Variants in APBA2 observed in about 807,000 individuals in gnomAD.
The protein encoded by APBA2 is amyloid beta precursor protein binding family A member 2, also known as amyloid-beta A4 precursor protein-binding family A member 2.
A neutral mutation model predicts 75.0 loss-of-function variants in APBA2; 30 were observed. The observed-to-expected ratio is 0.40, with a 90% confidence interval of 0.30 to 0.54. APBA2 has a LOEUF of 0.54. Among genes scored for constraint, APBA2 ranks in the 20% least tolerant of loss-of-function variants. The pLI is 0.49. For missense variants in APBA2, 801 were observed against 1,016.1 expected, an observed-to-expected ratio of 0.79 and a Z score of 2.88; for synonymous variants, 444 against 409.6, an observed-to-expected ratio of 1.08 and a Z score of -1.01.
intron 2 of APBA2, chr15:28,990,391 T>G (rs1353159504): frequency 7.7e-6 from 1 of 130,146 alleles, no homozygotes; most frequent in African/African-American, 4.0e-5. Context: ...AAACTCCGTC[T>G]TAAAAAAAAA....
At chr15:29,020,593 G>T (rs529532610) in intron 3 of APBA2, among the ~76,000 whole-genome samples, 1 of 152,158 alleles carries the variant, frequency 6.6e-6, no homozygotes, top group Non-Finnish European at 1.5e-5. Context: ...ATCACCTGAG[G>T]TCAGGAGTTT....
At chr15:28,989,309 T>G (rs1186957782) in intron 2 of APBA2, among the ~76,000 whole-genome samples, 1 of 152,208 alleles carries the variant, frequency 6.6e-6, no homozygotes, top group East Asian at 1.9e-4. Context: ...TTAGGCTTAG[T>G]CTGTGTATGC....
chr15:29,108,028 C>T (rs2044521143), intron 12 of APBA2, among the ~76,000 whole-genome samples: 1 of 152,170 alleles, frequency 6.6e-6, no homozygotes, highest in Non-Finnish European at 1.5e-5. Flanking sequence ...GCAGAGGCAC[C>T]CTGCGCATGG....
At chr15:29,075,585 T>C (rs73370234) in intron 5 of APBA2, among the ~76,000 whole-genome samples, 4,182 of 152,176 alleles carry the variant, frequency 0.027, 112 homozygotes, top group African/African-American at 0.066. Context: ...CAACAACAGG[T>C]TTTAACAAAC....
At chr15:29,013,972 A>C (rs2039531489) in intron 3 of APBA2, among the ~76,000 whole-genome samples, 1 of 152,226 alleles carries the variant, frequency 6.6e-6, no homozygotes, top group Non-Finnish European at 1.5e-5. Context: ...CTTTTGCTAA[A>C]CTTTACTGCT....
chr15:28,955,121 A>C (rs1233916308), intron 2 of APBA2, among the ~76,000 whole-genome samples: 1 of 152,102 alleles, frequency 6.6e-6, no homozygotes. Context: ...TTTGTCAGAC[A>C]GTTTGATTTT....
intron 6 of APBA2, among the ~76,000 whole-genome samples, chr15:29,086,187 C>G (rs941274194): frequency 1.3e-5 from 2 of 152,214 alleles, no homozygotes; most frequent in African/African-American, 2.4e-5. Context: ...TGGCACAGGA[C>G]TGATGTTTCT....
At chr15:28,979,636 T>A (rs1221257329) in intron 2 of APBA2, among the ~76,000 whole-genome samples, 2 of 152,212 alleles carry the variant, frequency 1.3e-5, no homozygotes, top group African/African-American at 4.8e-5. Flanking sequence ...GGCCCCTTTC[T>A]GGCCTTGCAG....
At chr15:28,976,542 G>A (rs1456133902) in intron 2 of APBA2, among the ~76,000 whole-genome samples, 1 of 152,168 alleles carries the variant, frequency 6.6e-6, no homozygotes, top group Admixed American at 6.5e-5. Flanking sequence ...CCCTTTAATT[G>A]TGAATGCATG....
intron 1 of APBA2, among the ~76,000 whole-genome samples, chr15:28,891,919 G>A (rs1282425778): frequency 6.6e-6 from 1 of 152,152 alleles, no homozygotes; most frequent in Non-Finnish European, 1.5e-5. Flanking sequence ...TTGTAGTGCA[G>A]TTACTTTATT....
chr15:29,116,401 C>G (rs899642121), intron 14 of APBA2, among the ~76,000 whole-genome samples: 1 of 151,936 alleles, frequency 6.6e-6, no homozygotes, highest in East Asian at 1.9e-4. Context: ...CCGAGGCGGG[C>G]GTATCACGAG....
intron 1 of APBA2, among the ~76,000 whole-genome samples, chr15:28,920,491 A>G (rs1393084175): frequency 6.6e-6 from 1 of 152,150 alleles, no homozygotes; most frequent in Non-Finnish European, 1.5e-5. Flanking sequence ...TCATGCCCAC[A>G]CCACGGTAGG....
intron 4 of APBA2, among the ~76,000 whole-genome samples, chr15:29,067,212 C>A (rs183767358): frequency 1.3e-5 from 2 of 152,200 alleles, no homozygotes; most frequent in Non-Finnish European, 2.9e-5. Flanking sequence ...CCACTTCCAG[C>A]ATTGGGGATT....
At chr15:28,915,154 T>C (rs2033621303) in intron 1 of APBA2, among the ~76,000 whole-genome samples, 1 of 650 alleles carries the variant, frequency 1.5e-3, no homozygotes, top group Admixed American at 0.021. Flanking sequence ...CACATACCCA[T>C]ACACACCACA....
At chr15:28,984,839 G>A (rs1296520768) in intron 2 of APBA2, among the ~76,000 whole-genome samples, 1 of 142,990 alleles carries the variant, frequency 7.0e-6, no homozygotes, top group African/African-American at 2.9e-5. Context: ...TCTGGAGGTT[G>A]GGGGAGCTGC....
chr15:28,915,237 C>T (rs1217897671), intron 1 of APBA2, among the ~76,000 whole-genome samples: 59 of 113,372 alleles, frequency 5.2e-4, no homozygotes, highest in East Asian at 8.3e-4. Flanking sequence ...ACACATACCC[C>T]ATATATACCA....
At chr15:28,986,457 G>C (rs2037933759) in intron 2 of APBA2, among the ~76,000 whole-genome samples, 1 of 152,118 alleles carries the variant, frequency 6.6e-6, no homozygotes, top group Non-Finnish European at 1.5e-5. Flanking sequence ...GTACTTAGCA[G>C]GTCACTACTG....
chr15:29,100,258 A>G (rs1459051336), intron 9 of APBA2, among the ~76,000 whole-genome samples: 1 of 152,234 alleles, frequency 6.6e-6, no homozygotes, highest in African/African-American at 2.4e-5. Context: ...AGCCACTCCA[A>G]CTGTTTCCTT....
At chr15:29,043,007 T>C (rs2041129242) in intron 3 of APBA2, among the ~76,000 whole-genome samples, 1 of 152,164 alleles carries the variant, frequency 6.6e-6, no homozygotes, top group Non-Finnish European at 1.5e-5. Context: ...AGAGGTAGAC[T>C]TTGCCAAGGC....
Sources: gnomAD v4.1 joint callset for allele counts (sites outside exome capture counted in the v4.1 genomes callset) on GRCh38, gnomAD v4.1.1 for gene constraint, MANE v1.5 for transcripts, NCBI Gene and HGNC (gene_info 2026-07-23, HGNC 2026-07-21) for gene names.